ADGRB3: variants seen among roughly 807,000 people sequenced by gnomAD.
ADGRB3 encodes brain-specific angiogenesis inhibitor 3.
In ADGRB3, 37 loss-of-function variants were observed where a neutral mutation model predicts 193.4. That is an observed-to-expected ratio of 0.19 (90% CI 0.15 to 0.25). The LOEUF (loss-of-function observed/expected upper bound fraction) is 0.25, where lower values mean the gene tolerates loss of function less well. ADGRB3 is among the 10% of genes least tolerant of loss of function. The pLI, the probability that ADGRB3 is intolerant of heterozygous loss-of-function variation, is 1.00. For missense variants in ADGRB3, 1,637 were observed against 1,852.9 expected, an observed-to-expected ratio of 0.88 and a Z score of 2.14; for synonymous variants, 690 against 644.2, an observed-to-expected ratio of 1.07 and a Z score of -1.08.
intron 20 of ADGRB3, among the ~76,000 whole-genome samples, chr6:69,297,950 A>C (rs545293083): frequency 6.6e-6 from 1 of 152,022 alleles, no homozygotes; most frequent in Admixed American, 6.6e-5. Flanking sequence ...CTATGTACTA[A>C]GTTTGTTTAT....
intron 20 of ADGRB3, among the ~76,000 whole-genome samples, chr6:69,278,991 G>A (rs889642550): frequency 1.4e-5 from 2 of 146,484 alleles, no homozygotes; most frequent in South Asian, 2.2e-4. Flanking sequence ...TTTGATCTTT[G>A]CATTCCTATA....
At chr6:69,056,417 A>G (rs1414213090) in intron 15 of ADGRB3, among the ~76,000 whole-genome samples, 1 of 152,076 alleles carries the variant, frequency 6.6e-6, no homozygotes, top group Non-Finnish European at 1.5e-5. Context: ...CCCTTTTCAT[A>G]GGTGGCCTTT....
intron 3 of ADGRB3, among the ~76,000 whole-genome samples, chr6:68,751,729 C>A (rs1433573403): frequency 1.3e-5 from 2 of 152,056 alleles, no homozygotes; most frequent in Non-Finnish European, 1.5e-5. Flanking sequence ...TCATAATTGT[C>A]AAAATTGGAA....
chr6:69,191,883 C>CA (rs1471107513), intron 17 of ADGRB3, among the ~76,000 whole-genome samples: 2 of 152,044 alleles, frequency 1.3e-5, no homozygotes, highest in Non-Finnish European at 2.9e-5. Flanking sequence ...AAGCAGGGTG[C>CA]AAGCACTTCT....
intron 3 of ADGRB3, among the ~76,000 whole-genome samples, chr6:68,882,859 C>T (rs1405440854): frequency 6.6e-6 from 1 of 151,956 alleles, no homozygotes; most frequent in Non-Finnish European, 1.5e-5. Context: ...GCACATAGTC[C>T]CATTTACTAC....
At chr6:69,130,204 T>C (rs1167085333) in intron 17 of ADGRB3, among the ~76,000 whole-genome samples, 1 of 151,978 alleles carries the variant, frequency 6.6e-6, no homozygotes, top group East Asian at 1.9e-4. Context: ...TGGGCCTCTT[T>C]TGAAAGGGCA....
At chr6:68,850,527 G>A (rs1057053285) in intron 3 of ADGRB3, among the ~76,000 whole-genome samples, 1 of 151,856 alleles carries the variant, frequency 6.6e-6, no homozygotes, top group African/African-American at 2.4e-5. Context: ...TAGTCAATAG[G>A]TTGAGTAGGC....
At chr6:69,097,529 A>G (rs538184958) in intron 17 of ADGRB3, among the ~76,000 whole-genome samples, 2 of 152,346 alleles carry the variant, frequency 1.3e-5, no homozygotes, top group South Asian at 2.1e-4. Context: ...AATAGATTCT[A>G]CTTTTCTATA....
intron 3 of ADGRB3, among the ~76,000 whole-genome samples, chr6:68,653,653 CA>C (rs1768424233): frequency 2.0e-5 from 3 of 152,032 alleles, no homozygotes; most frequent in African/African-American, 7.2e-5. Context: ...ATTCTTTCAA[CA>C]TTTAAAGATA....
chr6:68,835,057 G>A (rs1350543432), intron 3 of ADGRB3, among the ~76,000 whole-genome samples: 3 of 152,032 alleles, frequency 2.0e-5, no homozygotes, highest in Non-Finnish European at 4.4e-5. Context: ...ACTATTAGAG[G>A]AGAATTGTAG....
intron 17 of ADGRB3, among the ~76,000 whole-genome samples, chr6:69,100,955 G>A (rs113133212): frequency 3.5e-5 from 1 of 28,836 alleles, no homozygotes. Context: ...GGAAAGGAGG[G>A]AGGGAGGGAG....
chr6:69,171,842 AT>A (rs1775279051), intron 17 of ADGRB3, among the ~76,000 whole-genome samples: 2 of 152,160 alleles, frequency 1.3e-5, no homozygotes, highest in Non-Finnish European at 2.9e-5. Context: ...CCCAATATCA[AT>A]TTTTTTCTTC....
intron 11 of ADGRB3, among the ~76,000 whole-genome samples, chr6:69,004,542 T>C (rs979067818): frequency 6.6e-6 from 1 of 151,338 alleles, no homozygotes; most frequent in African/African-American, 2.4e-5. Flanking sequence ...TAGGTGTTTC[T>C]CCTAATGCTA....
chr6:68,943,696 A>T, intron 5 of ADGRB3, 134 bp from the exon 6 acceptor site: 1 of 640,504 alleles, frequency 1.6e-6, no homozygotes. Context: ...AAAAATAAGA[A>T]TGTTATCTCA....
intron 3 of ADGRB3, among the ~76,000 whole-genome samples, chr6:68,743,224 C>T (rs1766015532): frequency 6.6e-6 from 1 of 152,028 alleles, no homozygotes; most frequent in Non-Finnish European, 1.5e-5. Flanking sequence ...TCTTTTCTCT[C>T]ATGTTTTCCT....
At chr6:69,372,494 T>C in intron 30 of ADGRB3, 53 bp downstream of exon 30, 1 of 972,892 alleles carries the variant, frequency 1.0e-6, no homozygotes, top group South Asian at 2.0e-5. Flanking sequence ...TCAAAATAGA[T>C]ATATAGTTAC....
chr6:68,871,498 A>T (rs1179972535), intron 3 of ADGRB3, among the ~76,000 whole-genome samples: 3 of 151,808 alleles, frequency 2.0e-5, no homozygotes, highest in Admixed American at 6.6e-5. Context: ...CATTAAAAAA[A>T]CTCCTTGTGA....
chr6:69,113,609 A>G (rs1676208229), intron 17 of ADGRB3, among the ~76,000 whole-genome samples: 1 of 152,176 alleles, frequency 6.6e-6, no homozygotes, highest in South Asian at 2.1e-4. Flanking sequence ...GACTAAATAT[A>G]TTAACATATT....
intron 3 of ADGRB3, among the ~76,000 whole-genome samples, chr6:68,758,403 A>G (rs1272054272): frequency 1.3e-5 from 2 of 151,972 alleles, no homozygotes; most frequent in Non-Finnish European, 2.9e-5. Flanking sequence ...TTCTTGTTCT[A>G]CCTCATCTGT....
Sources: gnomAD v4.1 joint callset for allele counts (sites outside exome capture counted in the v4.1 genomes callset) on GRCh38, gnomAD v4.1.1 for gene constraint, MANE v1.5 for transcripts, NCBI Gene and HGNC (gene_info 2026-07-23, HGNC 2026-07-21) for gene names.